TRIM71: variants seen among roughly 807,000 people sequenced by gnomAD.
TRIM71 encodes E3 ubiquitin-protein ligase TRIM71.
TRIM71 carries 9 observed loss-of-function variants against 61.2 expected under a neutral mutation model. The observed-to-expected ratio is 0.15, with a 90% confidence interval of 0.09 to 0.26. The LOEUF (loss-of-function observed/expected upper bound fraction) is 0.26, where lower values mean the gene tolerates loss of function less well. TRIM71 is among the 10% of genes least tolerant of loss of function. The pLI is 1.00. For synonymous variants in TRIM71, 645 were observed against 553.2 expected (o/e 1.17, Z -2.33); for missense variants, 998 against 1,238.7 (o/e 0.81, Z 2.92).
At position 32,891,868 on chromosome 3, in the gene TRIM71, CTCTCT is replaced by C; in HGVS notation, c.*59_*63del. 1 of 1,477,084 alleles carries C rather than the reference CTCTCT, an allele frequency of 6.8e-7. No individual in the cohort carries two copies. The highest frequency in any genetic ancestry group is 9.2e-7 in the Non-Finnish European group (1 of 1,088,680). 91.5% of individuals were successfully genotyped at this position (1,477,084 alleles called of 1,614,324 possible). A position where few individuals can be genotyped will look rare whatever the true frequency, so the allele number is the denominator to read the frequency against. On this transcript the variant is annotated 3_prime_UTR_variant, in exon 4 of 4. Transcript: ENST00000383763. The surrounding 1 kb of genome is among the most constrained non-coding windows in gnomAD (Gnocchi z 8.2). ...TGTGTGCGTGTCTCTCTCTCTCTCT[CTCTCT>C]TTCTCTTTCTCTCTCTTTTTGAATT...
chr3:32,873,697 G>A, intron 1 of TRIM71, 121 bp from the exon 2 acceptor site: 2 of 895,200 alleles, frequency 2.2e-6, no homozygotes, highest in Admixed American at 2.6e-5. Context: ...CCTTTGGGGT[G>A]TGCTTGCTCA....
intron 1 of TRIM71, among the ~76,000 whole-genome samples, chr3:32,824,461 G>A (rs1169944187): frequency 6.6e-6 from 1 of 151,058 alleles, no homozygotes; most frequent in Non-Finnish European, 1.5e-5. Flanking sequence ...CCAAAGGGCT[G>A]GGATTGATTA....
chr3:32,841,399 C>G (rs1271670578), intron 1 of TRIM71, among the ~76,000 whole-genome samples: 1 of 149,282 alleles, frequency 6.7e-6, no homozygotes, highest in Admixed American at 6.7e-5. Flanking sequence ...GTATCTTTAC[C>G]TAGTGAGGTG....
intron 1 of TRIM71, among the ~76,000 whole-genome samples, chr3:32,832,733 A>G (rs1334111169): frequency 6.6e-6 from 1 of 152,022 alleles, no homozygotes; most frequent in Non-Finnish European, 1.5e-5. Flanking sequence ...CTTTTACCTA[A>G]TTTTTTCTAC....
rs376846171 is a variant in TRIM71, at chr3:32,840,711, C to T, written c.852+21779C>T. Among the ~76,000 whole-genome samples the T allele has an allele frequency of 1.7e-3, 260 of 152,260 alleles. 8 individuals carry two copies. The South Asian group carries it at 0.051, about 30-fold the overall frequency. On this transcript the variant is annotated intron_variant, in intron 1 of 3. Coordinates refer to ENST00000383763, the MANE Select transcript of TRIM71 (RefSeq NM_001039111.3). ...ATGCTTGGGGCAGGAGGAATTCCTC[C>T]CTGGGCTCTTTGTTCAGCAGGAATG...
intron 1 of TRIM71, 98 bp from the exon 2 acceptor site, chr3:32,873,720 G>A: frequency 8.5e-7 from 1 of 1,182,580 alleles, no homozygotes; most frequent in Non-Finnish European, 1.1e-6. Context: ...GGGGAAGCTG[G>A]TCGTTCGGTT....
At chr3:32,831,665 T>C (rs564479990) in intron 1 of TRIM71, among the ~76,000 whole-genome samples, 16 of 150,902 alleles carry the variant, frequency 1.1e-4, no homozygotes, top group Non-Finnish European at 2.4e-4. Context: ...GCCTCCAAAG[T>C]GGCTGGGACT....
chr3:32,822,378 TGAAGA>T (rs1233295055), intron 1 of TRIM71, among the ~76,000 whole-genome samples: 1 of 152,162 alleles, frequency 6.6e-6, no homozygotes, highest in African/African-American at 2.4e-5. Flanking sequence ...AAATGCCTCC[TGAAGA>T]GAAAAGTTCT....
At position 32,891,852 on chromosome 3, in the gene TRIM71, G is replaced by GCC; in HGVS notation, c.*41_*42insCC. 6.9e-7 allele frequency: 1 copy of GCC among 1,439,948 alleles called. No individual in the cohort carries two copies. The highest frequency in any genetic ancestry group is 9.4e-7 in the Non-Finnish European group (1 of 1,065,132). The allele number at this position is 1,439,948 out of a possible 1,614,324, so 89.2% of individuals were successfully genotyped here. A position where few individuals can be genotyped will look rare whatever the true frequency, so the allele number is the denominator to read the frequency against. On this transcript the variant is annotated 3_prime_UTR_variant, in exon 4 of 4. Coordinates refer to ENST00000383763, the MANE Select transcript of TRIM71 (RefSeq NM_001039111.3). The surrounding 1 kb of genome is among the most constrained non-coding windows in gnomAD (Gnocchi z 8.2). ...TTCTGTGTTTGGGGTGTGTGTGCGTGTCTCTCTCTCTCTCTCTCTCTTTCT... is the reference window on the plus strand; with the variant it reads ...TTCTGTGTTTGGGGTGTGTGTGCGTGCCTCTCTCTCTCTCTCTCTCTCTTTCT...
At chr3:32,827,379 T>G (rs1696215447) in intron 1 of TRIM71, among the ~76,000 whole-genome samples, 1 of 151,014 alleles carries the variant, frequency 6.6e-6, no homozygotes, top group Non-Finnish European at 1.5e-5. Flanking sequence ...TTCTCCTGCC[T>G]CGTCTCACGA....
intron 1 of TRIM71, among the ~76,000 whole-genome samples, chr3:32,823,737 C>A (rs953893976): frequency 2.7e-5 from 4 of 145,948 alleles, no homozygotes; most frequent in African/African-American, 1.0e-4. Context: ...CCATTGCACT[C>A]CAGCCTGGGT....
At chr3:32,820,829 A>G (rs1696118808) in intron 1 of TRIM71, among the ~76,000 whole-genome samples, 1 of 152,250 alleles carries the variant, frequency 6.6e-6, no homozygotes, top group African/African-American at 2.4e-5. Context: ...AGCTCTTCAA[A>G]TTCACTTTTT....
rs575363312 is a variant in TRIM71, at chr3:32,857,585, A to G, written c.853-16233A>G. Among the ~76,000 whole-genome samples the G allele has an allele frequency of 8.3e-4, 127 of 152,350 alleles. 1 individual carries two copies. Among genetic ancestry groups the G allele is most frequent in the African/African-American group, 2.4e-3 (98 of 41,580 alleles). On this transcript the variant is annotated intron_variant, in intron 1 of 3. Transcript: ENST00000383763. ...AATTCTTACAGATAATATAAAGTCA[A>G]TTAATACATGTATTATGTATTATTT...
chr3:32,849,361 GT>G (rs1020326038), intron 1 of TRIM71, among the ~76,000 whole-genome samples: 2 of 146,302 alleles, frequency 1.4e-5, no homozygotes, highest in African/African-American at 2.5e-5. Flanking sequence ...AGTTTTTTTG[GT>G]TTTTTTTTTC....
chr3:32,838,734 GT>G (rs1287981874), intron 1 of TRIM71, among the ~76,000 whole-genome samples: 1 of 152,096 alleles, frequency 6.6e-6, no homozygotes, highest in East Asian at 1.9e-4. Context: ...TCAATTGGAT[GT>G]GACAGATTGG....
chr3:32,841,832 C>A (rs1306824386), intron 1 of TRIM71, among the ~76,000 whole-genome samples: 1 of 152,142 alleles, frequency 6.6e-6, no homozygotes, highest in Non-Finnish European at 1.5e-5. Context: ...ATATTTACTT[C>A]TATTTTAAAA....
At position 32,836,073 on chromosome 3, in the gene TRIM71, C is replaced by G. The variant is rs79043495; in HGVS notation, c.852+17141C>G. On this transcript the variant is annotated intron_variant, in intron 1 of 3. Coordinates refer to ENST00000383763, the MANE Select transcript of TRIM71 (RefSeq NM_001039111.3). ...TGCCAGCAATGCTCATCCTTGTGTC[C>G]CTGTAACCCTCTCTTATAGAAGGGA... Among the ~76,000 whole-genome samples, 378 of 152,210 alleles carry G rather than the reference C, an allele frequency of 2.5e-3. 4 individuals carry two copies. Among genetic ancestry groups the G allele is most frequent in the African/African-American group, 8.9e-3 (369 of 41,510 alleles).
At chr3:32,835,172 T>C (rs1414456327) in intron 1 of TRIM71, among the ~76,000 whole-genome samples, 1 of 152,244 alleles carries the variant, frequency 6.6e-6, no homozygotes, top group Non-Finnish European at 1.5e-5. Context: ...CAGGCTCTGC[T>C]GGGTTCCCGT....
At chr3:32,887,732 A>G (rs1042921848) in intron 3 of TRIM71, among the ~76,000 whole-genome samples, 1 of 152,160 alleles carries the variant, frequency 6.6e-6, no homozygotes, top group Non-Finnish European at 1.5e-5. Context: ...TTCATGGGTA[A>G]GAACCAAAGG....
Sources: allele counts gnomAD v4.1 joint callset (sites outside exome capture counted in the v4.1 genomes callset), GRCh38; gene constraint gnomAD v4.1.1; non-coding constraint Gnocchi (gnomAD v3.1); transcripts MANE v1.5; gene names NCBI Gene and HGNC (gene_info 2026-07-23, HGNC 2026-07-21).